PRKN: variants seen among roughly 807,000 people sequenced by gnomAD.
PRKN encodes parkin RBR E3 ubiquitin protein ligase.
PRKN carries 56 observed loss-of-function variants against 59.5 expected under a neutral mutation model. The ratio of observed to expected loss-of-function variants is 0.94; its 90% confidence interval spans 0.76 to 1.18. The LOEUF (loss-of-function observed/expected upper bound fraction) is 1.18, where lower values mean the gene tolerates loss of function less well. Ranked by LOEUF, PRKN falls within the 50% of genes most tolerant of loss-of-function variation. The pLI, the probability that PRKN is intolerant of heterozygous loss-of-function variation, is 0.00. For synonymous variants in PRKN, 250 were observed against 222.1 expected (o/e 1.13, Z -1.12); for missense variants, 657 against 596.4 (o/e 1.10, Z -1.06).
chr6:162,480,730 C>T (rs9365445), intron 1 of PRKN, among the ~76,000 whole-genome samples: 47,174 of 151,880 alleles, frequency 0.31, 7,606 homozygotes, highest in East Asian at 0.49. Context: ...GATGAGGCCA[C>T]CAAGTCATAA....
intron 2 of PRKN, among the ~76,000 whole-genome samples, chr6:162,311,336 C>G (rs1365242271): frequency 6.6e-6 from 1 of 152,086 alleles, no homozygotes; most frequent in Non-Finnish European, 1.5e-5. Flanking sequence ...CTTCACTGAT[C>G]TGGGTCTAAT....
chr6:162,210,645 C>A lies in PRKN; in HGVS notation c.413-9393G>T, dbSNP rs188708995. Among the ~76,000 whole-genome samples, 137 of 152,138 alleles carry A rather than the reference C, an allele frequency of 9.0e-4. 2 individuals carry two copies. The highest frequency in any genetic ancestry group is 1.2e-3 in the Non-Finnish European group (84 of 68,024). On this transcript the variant is annotated intron_variant, in intron 3 of 11. Transcript: ENST00000366898. ...ATTTAATAATATTATGGAACACAAA[C>A]CCTGATGGAAAGTCCCAAAATTGAT...
chr6:162,481,468 G>A (rs957785148), intron 1 of PRKN, among the ~76,000 whole-genome samples: 2 of 152,248 alleles, frequency 1.3e-5, no homozygotes, highest in Middle Eastern at 3.4e-3. Context: ...CAGTTTTTTT[G>A]TTAACGTATA....
intron 5 of PRKN, among the ~76,000 whole-genome samples, chr6:162,006,930 T>A (rs1031870283): frequency 2.8e-5 from 3 of 108,848 alleles, no homozygotes; most frequent in Admixed American, 2.1e-4. Flanking sequence ...ACTCTAGAAC[T>A]TAGAAGAGCG....
chr6:162,648,384 C>CTTTTTTTTTTTTTTT lies in PRKN; in HGVS notation c.7+79277_7+79278insAAAAAAAAAAAAAAA, dbSNP rs10644990. Among the ~76,000 whole-genome samples, 2 of 144,486 alleles carry CTTTTTTTTTTTTTTT rather than the reference C, an allele frequency of 1.4e-5. 1 individual carries two copies. 94.8% of individuals were successfully genotyped at this position (144,486 alleles called of 152,430 possible). ...GGTAATTAAATCCTTGGTGTTCTTTCTTTTTTTATTTTTTTAAGATGGAGT... is the reference window on the plus strand; with the variant it reads ...GGTAATTAAATCCTTGGTGTTCTTTCTTTTTTTTTTTTTTTTTTTTTTATTTTTTTAAGATGGAGT... On this transcript the variant is annotated intron_variant, in intron 1 of 11. Coordinates refer to ENST00000366898, the MANE Select transcript of PRKN (RefSeq NM_004562.3).
chr6:161,671,438 T>C (rs1383446299), intron 7 of PRKN, among the ~76,000 whole-genome samples: 1 of 152,190 alleles, frequency 6.6e-6, no homozygotes, highest in Non-Finnish European at 1.5e-5. Context: ...AGCTTCTTTA[T>C]TCTGTTATCA....
At chr6:162,275,020 G>C (rs909464651) in intron 2 of PRKN, 1 of 146,380 alleles carries the variant, frequency 6.8e-6, no homozygotes, top group Non-Finnish European at 1.5e-5. Context: ...GGTGGAGCTT[G>C]CAGTGAGTGG....
At chr6:162,672,685 A>AGTGTGTGTGTGTGTGTGTGTGTGT (rs56722608) in intron 1 of PRKN, among the ~76,000 whole-genome samples, 2 of 149,174 alleles carry the variant, frequency 1.3e-5, no homozygotes, top group African/African-American at 2.5e-5. Context: ...TTGGGGGAAA[A>AGTGTGTGTGTGTGTGTGTGTGTGT]GTGTGTGTGT....
Position 161,658,030 on chromosome 6 carries a change from A to AAAAAAAAAAAAAAAAAAG in PRKN, c.872-88615_872-88614insCTTTTTTTTTTTTTTTTT, listed in dbSNP as rs781518268. ...GACTCTGTCTCAAAAAAAAAAAAAA[A>AAAAAAAAAAAAAAAAAAG]AAAAGAAAAGAAAAGAAAAAAACGG... On this transcript the variant is annotated intron_variant, in intron 7 of 11. Coordinates refer to ENST00000366898, the MANE Select transcript of PRKN (RefSeq NM_004562.3). Among the ~76,000 whole-genome samples the AAAAAAAAAAAAAAAAAAG allele has an allele frequency of 9.5e-5, 10 of 104,896 alleles. No homozygotes were observed. In the South Asian group the frequency reaches 1.3e-3, roughly 14 times the overall value. The allele number at this position is 104,896 out of a possible 152,430, so 68.8% of individuals were successfully genotyped here.
At chr6:162,198,061 C>T (rs561498563) in intron 4 of PRKN, among the ~76,000 whole-genome samples, 2 of 152,082 alleles carry the variant, frequency 1.3e-5, no homozygotes, top group East Asian at 3.9e-4. Context: ...GACATTTTGG[C>T]CCCTCAGGTA....
intron 4 of PRKN, among the ~76,000 whole-genome samples, chr6:162,064,435 C>T (rs539625382): frequency 9.6e-4 from 146 of 152,230 alleles, no homozygotes; most frequent in African/African-American, 3.4e-3. Flanking sequence ...TCTCCTATCC[C>T]ATCCTTCAGT....
chr6:161,587,115 A>G (rs985152911), intron 7 of PRKN, among the ~76,000 whole-genome samples: 1 of 152,244 alleles, frequency 6.6e-6, no homozygotes, highest in Non-Finnish European at 1.5e-5. Context: ...TAACAAATCA[A>G]TGATACTTAC....
At chr6:162,080,354 AAC>A (rs1248182345) in intron 4 of PRKN, among the ~76,000 whole-genome samples, 1 of 152,098 alleles carries the variant, frequency 6.6e-6, no homozygotes, top group Non-Finnish European at 1.5e-5. Flanking sequence ...AAACAAACAA[AAC>A]ACATGAAAAG....
chr6:161,754,440 C>T (rs991092093), intron 7 of PRKN, among the ~76,000 whole-genome samples: 1 of 151,860 alleles, frequency 6.6e-6, no homozygotes, highest in African/African-American at 2.4e-5. Flanking sequence ...CGGGCCATGG[C>T]GGAGGCTGTC....
At chr6:161,418,694 T>C (rs1448197484) in intron 9 of PRKN, among the ~76,000 whole-genome samples, 5 of 152,312 alleles carry the variant, frequency 3.3e-5, no homozygotes, top group Admixed American at 6.5e-5. Flanking sequence ...GGGAAAAAGA[T>C]TATTTTCTTT....
chr6:161,631,151 C>T (rs1486148538), intron 7 of PRKN, among the ~76,000 whole-genome samples: 4 of 152,132 alleles, frequency 2.6e-5, no homozygotes, highest in Non-Finnish European at 5.9e-5. Flanking sequence ...ATAACTCTGC[C>T]GTAGCAGACA....
In PRKN at chr6:161,376,981, A is replaced by T. The variant is rs753743086; in HGVS notation, c.1167+9813T>A. On this transcript the variant is annotated intron_variant, in intron 10 of 11. Transcript: ENST00000366898. The surrounding 1 kb of genome is among the most constrained non-coding windows in gnomAD (Gnocchi z 7.3). ...GAGGAGCCTGTCACTGTTGGAAGAA[A>T]GTGCTGGAAGCTCTGAGTGGGGCCC... 6.6e-6 allele frequency among the ~76,000 whole-genome samples: 1 copy of T among 152,230 alleles called. No individual in the cohort carries two copies. The highest frequency in any genetic ancestry group is 1.5e-5 in the Non-Finnish European group (1 of 68,038).
intron 4 of PRKN, among the ~76,000 whole-genome samples, chr6:162,127,998 T>C (rs1377764975): frequency 6.6e-6 from 1 of 152,222 alleles, no homozygotes; most frequent in Non-Finnish European, 1.5e-5. Flanking sequence ...TTGTTAAGAA[T>C]GTTTACTCAA....
At chr6:162,029,180 C>T (rs1014505345) in intron 5 of PRKN, among the ~76,000 whole-genome samples, 19 of 152,138 alleles carry the variant, frequency 1.2e-4, no homozygotes, top group African/African-American at 4.6e-4. Context: ...GAAACAAACC[C>T]ACCCACCTCC....
Sources: allele counts gnomAD v4.1 joint callset (sites outside exome capture counted in the v4.1 genomes callset), GRCh38; gene constraint gnomAD v4.1.1; non-coding constraint Gnocchi (gnomAD v3.1); transcripts MANE v1.5; gene names NCBI Gene and HGNC (gene_info 2026-07-23, HGNC 2026-07-21).